EFR3A: variants seen among roughly 807,000 people sequenced by gnomAD.
The protein encoded by EFR3A is protein EFR3 homolog A.
In EFR3A, 76 loss-of-function variants were observed where a neutral mutation model predicts 104.4. The observed-to-expected ratio is 0.73, with a 90% CI of 0.60 to 0.88. EFR3A has a LOEUF of 0.88. EFR3A is among the 40% of genes least tolerant of loss of function. EFR3A has a pLI of 0.00. For missense variants in EFR3A, 985 were observed against 1,012.5 expected (o/e 0.97, Z 0.37); for synonymous variants, 330 against 330.0 (o/e 1.00, Z 0.00).
rs565399534 is a variant in EFR3A at position 132,012,285 on chromosome 8, G to T, written c.*1390G>T. On this transcript the variant is annotated 3_prime_UTR_variant, in exon 23 of 23. Coordinates refer to ENST00000254624, the MANE Select transcript of EFR3A (RefSeq NM_015137.6). ...GATGTTTGTGTTTATGGCTATTTGG[G>T]CACCTTTAGTAGAAACAGACAAAAG... 1 of 152,188 alleles carries T rather than the reference G, an allele frequency of 6.6e-6. No individual in the cohort carries two copies. The highest frequency in any genetic ancestry group is 2.1e-4 in the South Asian group (1 of 4,826). The allele number at this position is 152,188 out of a possible 1,614,324, so 9.4% of individuals were successfully genotyped here.
intron 1 of EFR3A, among the ~76,000 whole-genome samples, chr8:131,908,384 G>A (rs978730682): frequency 1.6e-4 from 24 of 152,054 alleles, no homozygotes; most frequent in African/African-American, 5.1e-4. Context: ...ATATGCTCTC[G>A]CAATCAACAG....
chr8:131,952,133 TACCACCACC>T (rs916628157), intron 5 of EFR3A, among the ~76,000 whole-genome samples: 28 of 151,852 alleles, frequency 1.8e-4, no homozygotes, highest in Admixed American at 5.9e-4. Flanking sequence ...TGGTAGAAAT[TACCACCACC>T]ACCACCACCA....
intron 11 of EFR3A, 25 bp downstream of exon 11, chr8:131,976,166 A>G: frequency 7.2e-7 from 1 of 1,385,378 alleles, no homozygotes; most frequent in Non-Finnish European, 1.0e-6. Context: ...TGTAAATTTG[A>G]ACTTAATCTT....
Position 132,011,244 on chromosome 8 carries a change from T to G in EFR3A, c.*349T>G. 1.0e-6 allele frequency: 1 copy of G among 996,580 alleles called. No individual in the cohort carries two copies. Among genetic ancestry groups the G allele is most frequent in the Non-Finnish European group, 1.2e-6 (1 of 836,582 alleles). 61.7% of individuals were successfully genotyped at this position (996,580 alleles called of 1,614,324 possible). On this transcript the variant is annotated 3_prime_UTR_variant, in exon 23 of 23. Coordinates refer to ENST00000254624, the MANE Select transcript of EFR3A (RefSeq NM_015137.6). ...AAGCCTTCAGAGGATTGAAACTGTA[T>G]AAATTGTTTATCTCTTAAACATCTA...
intron 1 of EFR3A, among the ~76,000 whole-genome samples, chr8:131,905,364 G>A (rs542814863): frequency 1.3e-5 from 2 of 152,150 alleles, no homozygotes; most frequent in East Asian, 3.9e-4. Context: ...TCTAGTGGTG[G>A]GAAAAGATGA....
At chr8:131,945,669 A>T (rs1465079294) in intron 3 of EFR3A, among the ~76,000 whole-genome samples, 2 of 152,066 alleles carry the variant, frequency 1.3e-5, no homozygotes, top group Non-Finnish European at 2.9e-5. Flanking sequence ...ATAATATTTT[A>T]CATACTTATG....
At position 132,012,156 on chromosome 8, in the gene EFR3A, C is replaced by T. The variant is rs1042977051; in HGVS notation, c.*1261C>T. ...TTTATAGTTCTATCTTTTCAGATTCCATTTCTTTTTACATAAAACAGCATA... is the reference window on the plus strand; with the variant it reads ...TTTATAGTTCTATCTTTTCAGATTCTATTTCTTTTTACATAAAACAGCATA... On this transcript the variant is annotated 3_prime_UTR_variant, in exon 23 of 23. Transcript: ENST00000254624. 2.6e-5 allele frequency: 4 copies of T among 152,094 alleles called. No homozygotes were observed. Among genetic ancestry groups the T allele is most frequent in the Admixed American group, 1.3e-4 (2 of 15,262 alleles). The allele number at this position is 152,094 out of a possible 1,614,324, so 9.4% of individuals were successfully genotyped here.
intron 1 of EFR3A, 30 bp downstream of exon 1, chr8:131,904,352 T>C: frequency 8.0e-7 from 1 of 1,245,826 alleles, no homozygotes; most frequent in Non-Finnish European, 1.0e-6. Flanking sequence ...CCGGGGGCGT[T>C]GGGAGGCGAC....
In EFR3A at chr8:131,953,875, T is replaced by C. The variant is rs369077283; in HGVS notation, c.546T>C (p.Asp182=). 1.3e-6 allele frequency: 2 copies of C among 1,577,002 alleles called. No individual in the cohort carries two copies. The highest frequency in any genetic ancestry group is 2.7e-5 in the African/African-American group (2 of 74,068). ...GTGTGGTTCGCAAAACAGTCAACGA[T>C]GAACTTCGGGCCACCATTTGGGAAC... ...IQGVVRKTVN[D]ELRATIWEPQ... Residue 182 remains aspartate (D), a synonymous_variant, in exon 6 of 23, where the codon GAT becomes GAC. Coordinates refer to ENST00000254624, the MANE Select transcript of EFR3A (RefSeq NM_015137.6).
At chr8:131,909,555 A>AAT (rs1016967556) in intron 1 of EFR3A, among the ~76,000 whole-genome samples, 7 of 152,186 alleles carry the variant, frequency 4.6e-5, no homozygotes, top group African/African-American at 1.7e-4. Context: ...TAAAAAGGAA[A>AAT]ATATATATAT....
chr8:131,922,331 A>C (rs984015668), intron 1 of EFR3A, among the ~76,000 whole-genome samples: 6 of 152,178 alleles, frequency 3.9e-5, no homozygotes, highest in Admixed American at 2.0e-4. Flanking sequence ...CCGAAAATCT[A>C]AAATGCCCCC....
rs905321594 is a variant in EFR3A at position 131,920,791 on chromosome 8, G to A, written c.10+16469G>A. Among the ~76,000 whole-genome samples, 6 of 151,786 alleles carry A rather than the reference G, an allele frequency of 4.0e-5. No individual in the cohort carries two copies. The South Asian group carries it at 6.2e-4, about 16-fold the overall frequency. ...ACGAGATCCATGCTCCATGCTTCTC[G>A]TTGTATGGTCTTGGGGATATTATTG... On this transcript the variant is annotated intron_variant, in intron 1 of 22. Transcript: ENST00000254624.
At chr8:131,940,226 G>T (rs1455613704) in intron 1 of EFR3A, 1 of 380,528 alleles carries the variant, frequency 2.6e-6, no homozygotes, top group South Asian at 3.5e-5. Context: ...GGAGGTAAAG[G>T]GGGCACGGAT....
At chr8:131,951,326 GA>G (rs1818692543) in intron 5 of EFR3A, among the ~76,000 whole-genome samples, 1 of 152,066 alleles carries the variant, frequency 6.6e-6, no homozygotes, top group East Asian at 1.9e-4. Flanking sequence ...CCTTTATTAT[GA>G]AGTGTAAAGC....
At chr8:131,986,683 G>T (rs1820901199) in intron 17 of EFR3A, among the ~76,000 whole-genome samples, 1 of 151,638 alleles carries the variant, frequency 6.6e-6, no homozygotes, top group Admixed American at 6.6e-5. Context: ...TACTCAGGAG[G>T]CTGAGGCTGG....
At chr8:131,947,214 TA>T (rs1209036274) in intron 4 of EFR3A, among the ~76,000 whole-genome samples, 6 of 152,154 alleles carry the variant, frequency 3.9e-5, no homozygotes, top group African/African-American at 1.4e-4. Flanking sequence ...TTAAGCATCC[TA>T]GAGCGTCTGA....
At chr8:131,928,472 G>A (rs965324500) in intron 1 of EFR3A, among the ~76,000 whole-genome samples, 1 of 152,002 alleles carries the variant, frequency 6.6e-6, no homozygotes, top group African/African-American at 2.4e-5. Flanking sequence ...CTGTATTTTA[G>A]ATAGCAGACT....
chr8:131,981,190 G>T (rs1476822373), intron 14 of EFR3A, among the ~76,000 whole-genome samples: 1 of 151,868 alleles, frequency 6.6e-6, no homozygotes, highest in Non-Finnish European at 1.5e-5. Flanking sequence ...TTTATGCAAT[G>T]ACATTAAACA....
rs372831831 is a variant in EFR3A at position 131,989,732 on chromosome 8, G to A, written c.2065+2030G>A. Among the ~76,000 whole-genome samples, 23 of 152,254 alleles carry A rather than the reference G, an allele frequency of 1.5e-4. No individual in the cohort carries two copies. The South Asian group carries it at 4.6e-3, about 30-fold the overall frequency. On this transcript the variant is annotated intron_variant, in intron 18 of 22. Transcript: ENST00000254624. Reference sequence around the variant, plus strand: ...TATAACTTTCAAAGGGTAGAAAGGTGTTAAGATGCAATTCTTATCCTCAAG... The same window carrying A: ...TATAACTTTCAAAGGGTAGAAAGGTATTAAGATGCAATTCTTATCCTCAAG...
Sources: allele counts gnomAD v4.1 joint callset (sites outside exome capture counted in the v4.1 genomes callset), GRCh38; gene constraint gnomAD v4.1.1; transcripts MANE v1.5; gene names NCBI Gene and HGNC (gene_info 2026-07-23, HGNC 2026-07-21).